The following TRAF2 variants were observed in gnomAD, a reference collection of about 807,000 sequenced individuals.
TRAF2 encodes the protein TNF receptor-associated factor 2.
In TRAF2, 6 loss-of-function variants were observed where a neutral mutation model predicts 55.6. That is an observed-to-expected ratio of 0.11 (90% CI 0.06 to 0.21). The LOEUF (loss-of-function observed/expected upper bound fraction) is 0.21, where lower values mean the gene tolerates loss of function less well. Ranked by LOEUF, TRAF2 falls within the 10% of genes least tolerant of loss-of-function variation. The pLI is 1.00. For synonymous variants in TRAF2, 329 were observed against 276.3 expected, an observed-to-expected ratio of 1.19 and a Z score of -1.89; for missense variants, 561 against 684.5, an observed-to-expected ratio of 0.82 and a Z score of 2.01.
At chr9:136,912,946 A>G (rs535397851) in intron 6 of TRAF2, among the ~76,000 whole-genome samples, 30 of 152,330 alleles carry the variant, frequency 2.0e-4, no homozygotes, top group African/African-American at 7.0e-4. Context: ...CAGCCTGTCC[A>G]ACATGGCAAA....
At chr9:136,910,018 A>C in intron 6 of TRAF2, 24 bp downstream of exon 6, 1 of 1,608,246 alleles carries the variant, frequency 6.2e-7, no homozygotes, top group Non-Finnish European at 8.5e-7. Flanking sequence ...ACCTCCTTGG[A>C]GGACCGCAGG....
In TRAF2 at chr9:136,916,625, G is replaced by A. The variant is rs1281012449; in HGVS notation, c.678+10G>A. On this transcript the variant is annotated intron_variant, in intron 7 of 10. Transcript: ENST00000247668. ...CGGCTGCCTCGAGACGGTGAGTCGG[G>A]GGGTCTGAGGTTGGGGGCCACCCCT... 3.7e-6 allele frequency: 6 copies of A among 1,613,290 alleles called. No individual in the cohort carries two copies. Among genetic ancestry groups the A allele is most frequent in the Non-Finnish European group, 5.1e-6 (6 of 1,179,846 alleles).
intron 4 of TRAF2, among the ~76,000 whole-genome samples, chr9:136,905,390 C>A (rs573754240): frequency 6.6e-6 from 1 of 152,278 alleles, no homozygotes; most frequent in South Asian, 2.1e-4. Context: ...CTGACAGAGT[C>A]CCCGGAGTGG....
intron 4 of TRAF2, among the ~76,000 whole-genome samples, chr9:136,904,487 G>A (rs1038787767): frequency 6.6e-6 from 1 of 152,072 alleles, no homozygotes; most frequent in Non-Finnish European, 1.5e-5. Context: ...CTCACTGCAA[G>A]CTCCACCTCC....
intron 10 of TRAF2, among the ~76,000 whole-genome samples, chr9:136,924,331 G>A (rs1850469239): frequency 6.6e-6 from 1 of 152,120 alleles, no homozygotes; most frequent in South Asian, 2.1e-4. Context: ...AGGCTGAGGT[G>A]GGAGGATTGC....
At chr9:136,897,585 T>G (rs1485656614) in intron 1 of TRAF2, among the ~76,000 whole-genome samples, 1 of 140,094 alleles carries the variant, frequency 7.1e-6, no homozygotes, top group Non-Finnish European at 1.5e-5. Context: ...TACGTTCCGC[T>G]CTCGGGGCTG....
chr9:136,904,896 G>A (rs1331929745), intron 4 of TRAF2, among the ~76,000 whole-genome samples: 1 of 152,148 alleles, frequency 6.6e-6, no homozygotes, highest in African/African-American at 2.4e-5. Flanking sequence ...GCGCTGTTGG[G>A]TTCAGGGAGT....
At chr9:136,891,136 A>G (rs1244108062) in intron 1 of TRAF2, among the ~76,000 whole-genome samples, 2 of 151,950 alleles carry the variant, frequency 1.3e-5, no homozygotes, top group Admixed American at 6.6e-5. Flanking sequence ...TTTGAGACAG[A>G]TGGTTGCTCT....
chr9:136,923,137 T>C (rs1850436564), intron 9 of TRAF2, among the ~76,000 whole-genome samples: 1 of 152,138 alleles, frequency 6.6e-6, no homozygotes, highest in Admixed American at 6.5e-5. Context: ...TCTTCTTGTT[T>C]TGGGGTTCAC....
chr9:136,912,242 A>G (rs1411962522), intron 6 of TRAF2, among the ~76,000 whole-genome samples: 2 of 137,542 alleles, frequency 1.5e-5, no homozygotes, highest in Non-Finnish European at 3.0e-5. Flanking sequence ...GGCTCATTGC[A>G]ACTTCTGCCT....
intron 1 of TRAF2, among the ~76,000 whole-genome samples, chr9:136,895,920 G>C (rs1173047954): frequency 2.0e-5 from 3 of 151,648 alleles, no homozygotes; most frequent in Non-Finnish European, 4.4e-5. Flanking sequence ...GCCACCCCAG[G>C]TTGCCCTCTT....
intron 4 of TRAF2, among the ~76,000 whole-genome samples, chr9:136,905,006 CTG>C (rs1849913415): frequency 6.6e-6 from 1 of 152,220 alleles, no homozygotes; most frequent in African/African-American, 2.4e-5. Context: ...GTTGCTGTGC[CTG>C]TGTGAAGGTT....
At chr9:136,900,302 G>T (rs1849787906) in intron 3 of TRAF2, 120 bp from the exon 4 acceptor site, 2 of 610,216 alleles carry the variant, frequency 3.3e-6, no homozygotes, top group Non-Finnish European at 5.7e-6. Context: ...TCTGCTCCTG[G>T]AGTGGCCTGG....
intron 5 of TRAF2, among the ~76,000 whole-genome samples, chr9:136,908,511 C>G (rs961397239): frequency 2.0e-5 from 3 of 150,202 alleles, no homozygotes; most frequent in Admixed American, 6.6e-5. Context: ...TCACGAGGTC[C>G]GGAGTTGAAG....
intron 1 of TRAF2, among the ~76,000 whole-genome samples, chr9:136,887,724 A>G (rs1849486011): frequency 6.6e-6 from 1 of 152,196 alleles, no homozygotes; most frequent in African/African-American, 2.4e-5. Context: ...ATGGGTGGAC[A>G]CTTGTAAGGT....
rs1850530597 is a variant in TRAF2 at position 136,926,260 on chromosome 9, T to C, written c.*359T>C. The C allele has an allele frequency of 2.5e-6, 1 of 398,924 alleles. No individual in the cohort carries two copies. The highest frequency in any genetic ancestry group is 2.1e-5 in the African/African-American group (1 of 48,424). The allele number at this position is 398,924 out of a possible 1,614,324, so 24.7% of individuals were successfully genotyped here. ...TGGGAGCACATCCCAGCAGTGCCCA[T>C]GTAGCAGGAGCACAGTGGATGGCCT... On this transcript the variant is annotated 3_prime_UTR_variant, in exon 11 of 11. Coordinates refer to ENST00000247668, the MANE Select transcript of TRAF2 (RefSeq NM_021138.4).
chr9:136,924,009 G>A lies in TRAF2; in HGVS notation c.1287+9G>A, dbSNP rs572249997. The A allele has an allele frequency of 5.3e-5, 86 of 1,611,974 alleles. 1 individual carries two copies. The Middle Eastern group carries it at 1.1e-3, about 21-fold the overall frequency. On this transcript the variant is annotated intron_variant, in intron 10 of 10. Transcript: ENST00000247668. The stretch of plus-strand genomic sequence containing the variant: ...GGCCCTTCAACCAGAAGGTGAGGCC[G>A]TCCCTGCAGGCTTCGCTAGGGCCGC...
chr9:136,899,343 C>G (rs1849761821), intron 2 of TRAF2, among the ~76,000 whole-genome samples: 1 of 152,170 alleles, frequency 6.6e-6, no homozygotes, highest in South Asian at 2.1e-4. Context: ...GCCGGCAATA[C>G]CTGAGTTACT....
rs1449364523 is a variant in TRAF2 at position 136,923,914 on chromosome 9, A to G, written c.1201A>G (p.Thr401Ala). Residue 401 changes from threonine (T) to alanine (A), a missense_variant, in exon 10 of 11, where the codon ACC (threonine) becomes GCC (alanine). By Grantham distance (58) the Thr-to-Ala change is moderately conservative. Transcript: ENST00000247668. ...GCGTATCTACCTGAACGGCGACGGC[A>G]CCGGGCGAGGAACACACCTGTCCCT... is the stretch of plus-strand genomic sequence containing the variant. ...CLRIYLNGDGTGRGTHLSLFF... is the reference protein window; with the variant it reads ...CLRIYLNGDGAGRGTHLSLFF... 7 of 1,613,966 alleles carry G rather than the reference A, an allele frequency of 4.3e-6. No individual in the cohort carries two copies. Among genetic ancestry groups the G allele is most frequent in the Non-Finnish European group, 5.1e-6 (6 of 1,179,998 alleles).
Sources: allele counts gnomAD v4.1 joint callset (sites outside exome capture counted in the v4.1 genomes callset), GRCh38; gene constraint gnomAD v4.1.1; transcripts MANE v1.5; gene names NCBI Gene and HGNC (gene_info 2026-07-23, HGNC 2026-07-21).